Variants in LARP4B observed in about 807,000 individuals in gnomAD.
LARP4B encodes the protein La ribonucleoprotein 4B.
A neutral mutation model predicts 89.8 loss-of-function variants in LARP4B; 12 were observed. The ratio of observed to expected loss-of-function variants is 0.13; its 90% CI spans 0.09 to 0.22. LARP4B has a LOEUF of 0.22. Among genes scored for constraint, LARP4B ranks in the 10% least tolerant of loss-of-function variants. LARP4B has a pLI of 1.00. For missense variants in LARP4B, 757 were observed against 947.7 expected (o/e 0.80, Z 2.64); for synonymous variants, 367 against 363.3 (o/e 1.01, Z -0.12).
At chr10:864,652 T>C (rs1196835079) in intron 3 of LARP4B, among the ~76,000 whole-genome samples, 1 of 152,118 alleles carries the variant, frequency 6.6e-6, no homozygotes, top group East Asian at 1.9e-4. Context: ...AAAATTCTAA[T>C]TAGAAAGCTT....
rs1833708603 is a variant in LARP4B at position 845,109 on chromosome 10, G to C, written c.431-54C>G. ...AAACCGGCTTAAAATTTAGGAAGCA[G>C]ATAATTCAGTACAGCAGTTCTAATG... On this transcript the variant is annotated intron_variant, in intron 5 of 17. Transcript: ENST00000316157. The C allele has an allele frequency of 2.3e-6, 3 of 1,331,996 alleles. No individual in the cohort carries two copies. In the East Asian group the frequency reaches 6.9e-5, roughly 31 times the overall value. 82.5% of individuals were successfully genotyped at this position (1,331,996 alleles called of 1,614,324 possible).
chr10:893,829 C>T (rs1223291084), intron 1 of LARP4B, among the ~76,000 whole-genome samples: 2 of 152,144 alleles, frequency 1.3e-5, no homozygotes, highest in Admixed American at 6.5e-5. Context: ...GAAGAATGAA[C>T]GGAAAACAAG....
At chr10:958,504 G>A in the LARP4B span, among the ~76,000 whole-genome samples, 568 of 152,340 alleles carry the variant, frequency 3.7e-3, 2 homozygotes, top group Admixed American at 4.6e-3. Context: ...AAAAGCACCT[G>A]TGTAGCCTTG....
chr10:927,894 T>C (rs767985711), intron 1 of LARP4B, among the ~76,000 whole-genome samples: 2 of 152,212 alleles, frequency 1.3e-5, no homozygotes, highest in Non-Finnish European at 2.9e-5. Context: ...GAGTACTGTA[T>C]GCATGATAAA....
chr10:834,107 G>A (rs1020206706), intron 8 of LARP4B, among the ~76,000 whole-genome samples: 57 of 152,048 alleles, frequency 3.7e-4, no homozygotes, highest in African/African-American at 1.2e-3. Context: ...GGAAAAACAG[G>A]GCCATTCCAT....
chr10:829,534 G>A lies in LARP4B; in HGVS notation c.976C>T (p.Pro326Ser). 1.2e-6 allele frequency: 2 copies of A among 1,614,166 alleles called. No homozygotes were observed. Among genetic ancestry groups the A allele is most frequent in the Non-Finnish European group, 1.7e-6 (2 of 1,180,030 alleles). ...NTFLPKNGFR[P>S]LDVSLYAQQR... ...TGGGCATACAGGCTCACGTCCAGGG[G>A]TCTAAATCCATTCTTTGGCAAAAAT... The change falls in exon 11 of 18, where the codon CCC (proline) becomes TCC (serine). Residue 326 changes from proline to serine, a missense_variant. By Grantham distance (74) the Pro-to-Ser change is moderately conservative. This residue lies in a region of LARP4B where 137 missense variants were observed against 213.9 expected (regional missense o/e 0.64). Coordinates refer to ENST00000316157, the MANE Select transcript of LARP4B (RefSeq NM_015155.3).
intron 5 of LARP4B, 91 bp downstream of exon 5, chr10:863,652 C>A: frequency 7.6e-7 from 1 of 1,315,902 alleles, no homozygotes; most frequent in Non-Finnish European, 1.0e-6. Flanking sequence ...AAGAAAGACC[C>A]ATTGTGTAGA....
upstream of LARP4B, among the ~76,000 whole-genome samples, chr10:933,873 C>A (rs35693858): frequency 6.6e-6 from 1 of 151,550 alleles, no homozygotes. Context: ...CCCTCTGTCA[C>A]CCCGGCTGGA....
intron 8 of LARP4B, among the ~76,000 whole-genome samples, chr10:833,268 A>C (rs1490326767): frequency 6.7e-6 from 1 of 149,100 alleles, no homozygotes; most frequent in South Asian, 2.1e-4. Flanking sequence ...AAAAAAAAAA[A>C]AAAAAAAAAA....
chr10:988,295 G>C, the LARP4B span: 2 of 605,426 alleles, frequency 3.3e-6, no homozygotes. Context: ...CACGCCCTCC[G>C]TGGCTGACCT....
chr10:877,812 A>G (rs977179208), intron 3 of LARP4B, among the ~76,000 whole-genome samples: 5 of 152,254 alleles, frequency 3.3e-5, no homozygotes, highest in African/African-American at 1.2e-4. Flanking sequence ...ACACTGGAAT[A>G]CATCAGTAAA....
At chr10:933,017 A>G (rs993932370), upstream of LARP4B, 1 of 151,956 alleles carries the variant, frequency 6.6e-6, no homozygotes, top group Non-Finnish European at 1.5e-5. Flanking sequence ...AGGTGTTCAC[A>G]CTCCTGCCGT....
At chr10:959,066 C>T in the LARP4B span, among the ~76,000 whole-genome samples, 5 of 152,180 alleles carry the variant, frequency 3.3e-5, no homozygotes, top group South Asian at 2.1e-4. Context: ...TGGTGGTTGC[C>T]GAGTCCCTGG....
At chr10:859,637 C>T (rs553556850) in intron 5 of LARP4B, among the ~76,000 whole-genome samples, 1 of 152,174 alleles carries the variant, frequency 6.6e-6, no homozygotes, top group Non-Finnish European at 1.5e-5. Context: ...AGATGTCCTT[C>T]AGTAGGTGAA....
At chr10:905,724 A>G (rs145551647) in intron 1 of LARP4B, among the ~76,000 whole-genome samples, 3,356 of 151,886 alleles carry the variant, frequency 0.022, 62 homozygotes, top group Admixed American at 0.056. Context: ...GCAGGGAAGG[A>G]GGGCAGAATC....
intron 13 of LARP4B, among the ~76,000 whole-genome samples, chr10:821,890 A>G (rs1194223715): frequency 6.6e-6 from 1 of 152,216 alleles, no homozygotes; most frequent in Non-Finnish European, 1.5e-5. Flanking sequence ...TGCAGGCCAG[A>G]CTATGGGACA....
the LARP4B span, among the ~76,000 whole-genome samples, chr10:945,424 C>T: frequency 6.6e-6 from 1 of 150,640 alleles, no homozygotes; most frequent in Admixed American, 6.6e-5. Context: ...TGGTGGCTCA[C>T]ACCTGTAATC....
the LARP4B span, among the ~76,000 whole-genome samples, chr10:984,131 C>A: frequency 6.6e-6 from 1 of 152,150 alleles, no homozygotes; most frequent in African/African-American, 2.4e-5. Flanking sequence ...ATTTTTTTCA[C>A]TGTTTTTAAC....
At chr10:949,517 C>A in the LARP4B span, among the ~76,000 whole-genome samples, 1 of 139,372 alleles carries the variant, frequency 7.2e-6, no homozygotes, top group East Asian at 2.2e-4. Flanking sequence ...AGGTGAGTGA[C>A]CTCCAACCCG....
Sources: allele counts gnomAD v4.1 joint callset (sites outside exome capture counted in the v4.1 genomes callset), GRCh38; gene constraint gnomAD v4.1.1; regional missense constraint gnomAD v4.1.1; transcripts MANE v1.5; gene names NCBI Gene and HGNC (gene_info 2026-07-23, HGNC 2026-07-21).